Variants in RABL3 observed in about 807,000 individuals in gnomAD.
The protein encoded by RABL3 is RAB, member of RAS oncogene family like 3.
In RABL3, 31 loss-of-function variants were observed where a neutral mutation model predicts 31.8. The ratio of observed to expected loss-of-function variants is 0.97; its 90% confidence interval spans 0.73 to 1.31. The LOEUF is 1.31. Among genes scored for constraint, RABL3 ranks in the 40% most tolerant of loss-of-function variants. RABL3 has a pLI of 0.00. For missense variants in RABL3, 263 were observed against 279.6 expected, an observed-to-expected ratio of 0.94 and a Z score of 0.42; for synonymous variants, 97 against 99.9, an observed-to-expected ratio of 0.97 and a Z score of 0.18.
At chr3:120,698,969 C>T (rs111791227) in intron 4 of RABL3, among the ~76,000 whole-genome samples, 9,304 of 152,198 alleles carry the variant, frequency 0.061, 914 homozygotes, top group African/African-American at 0.21. Flanking sequence ...TAAGCCTCAT[C>T]GTAGCAAAAA....
intron 6 of RABL3, among the ~76,000 whole-genome samples, chr3:120,692,518 A>G (rs1293547995): frequency 3.9e-5 from 6 of 152,198 alleles, no homozygotes; most frequent in Admixed American, 6.5e-5. Context: ...TCTTTATGCT[A>G]AATTCTGGAA....
At chr3:120,718,639 A>G (rs1200458852) in intron 2 of RABL3, among the ~76,000 whole-genome samples, 1 of 152,242 alleles carries the variant, frequency 6.6e-6, no homozygotes, top group East Asian at 1.9e-4. Context: ...TCTGGGGGCA[A>G]GGCCCAAGAA....
intron 4 of RABL3, among the ~76,000 whole-genome samples, chr3:120,701,432 T>G (rs1708490127): frequency 1.3e-5 from 2 of 152,194 alleles, no homozygotes; most frequent in Admixed American, 1.3e-4. Context: ...AACTGTAGTG[T>G]CAAAATGCAA....
At position 120,690,490 on chromosome 3, in the gene RABL3, G is replaced by A. The variant is rs774990375; in HGVS notation, c.607-3C>T. The A allele has an allele frequency of 3.7e-6, 6 of 1,602,468 alleles. No homozygotes were observed. The highest frequency in any genetic ancestry group is 5.1e-6 in the Non-Finnish European group (6 of 1,170,184). On this transcript the variant is annotated splice_polypyrimidine_tract_variant and splice_region_variant and intron_variant, in intron 6 of 7. Coordinates refer to ENST00000273375, the MANE Select transcript of RABL3 (RefSeq NM_173825.5). ...AAAAAGTATCTCTTCTCTATGACCT[G>A]TGAAAAACAAAGATTTTAAAGGCTT...
Position 120,742,329 on chromosome 3 carries a change from G to A in RABL3, c.46+133C>T, listed in dbSNP as rs1169700494. ...CACGGAGCAAAGTCCCCTGGGAAGTGTAGTCTTCAGGCCCTGGGAGGGACT... is the reference window on the plus strand; with the variant it reads ...CACGGAGCAAAGTCCCCTGGGAAGTATAGTCTTCAGGCCCTGGGAGGGACT... On this transcript the variant is annotated intron_variant, in intron 1 of 7. Transcript: ENST00000273375. 4.9e-6 allele frequency: 4 copies of A among 817,846 alleles called. No individual in the cohort carries two copies. The East Asian group carries it at 1.0e-4, about 21-fold the overall frequency. The allele number at this position is 817,846 out of a possible 1,614,324, so 50.7% of individuals were successfully genotyped here. A position where few individuals can be genotyped will look rare whatever the true frequency, so the allele number is the denominator to read the frequency against.
chr3:120,726,756 T>A (rs1230809288), intron 2 of RABL3, among the ~76,000 whole-genome samples: 3 of 150,118 alleles, frequency 2.0e-5, no homozygotes, highest in East Asian at 1.9e-4. Flanking sequence ...AAAAATAAAT[T>A]AAATAAATAA....
At chr3:120,699,966 A>G (rs1708476892) in intron 4 of RABL3, among the ~76,000 whole-genome samples, 1 of 152,194 alleles carries the variant, frequency 6.6e-6, no homozygotes. Flanking sequence ...TCTCACATAC[A>G]AAGTTTTGCA....
At chr3:120,699,098 G>A (rs1285904266) in intron 4 of RABL3, among the ~76,000 whole-genome samples, 2 of 151,948 alleles carry the variant, frequency 1.3e-5, no homozygotes, top group African/African-American at 2.4e-5. Flanking sequence ...TGTCTGAATA[G>A]TAAAGAAATA....
At position 120,717,268 on chromosome 3, in the gene RABL3, CA is replaced by C. The variant is rs1179742913; in HGVS notation, c.139-7360del. Among the ~76,000 whole-genome samples the C allele has an allele frequency of 3.6e-3, 373 of 103,326 alleles. 1 individual carries two copies. Among genetic ancestry groups the C allele is most frequent in the Admixed American group, 5.1e-3 (53 of 10,384 alleles). 67.8% of individuals were successfully genotyped at this position (103,326 alleles called of 152,430 possible). The stretch of plus-strand genomic sequence containing the variant: ...GAACAAAACTCCATCTCAAAAAAAA[CA>C]AAAAAAAAAACAACAAAAAAAAAAA... On this transcript the variant is annotated intron_variant, in intron 2 of 7. Transcript: ENST00000273375.
At chr3:120,714,599 AAAC>A (rs1708647373) in intron 2 of RABL3, among the ~76,000 whole-genome samples, 1 of 152,170 alleles carries the variant, frequency 6.6e-6, no homozygotes, top group African/African-American at 2.4e-5. Context: ...AAATTGAGTT[AAAC>A]CTCTGTCTCT....
chr3:120,713,610 C>A (rs555380291), intron 2 of RABL3, among the ~76,000 whole-genome samples: 1 of 152,086 alleles, frequency 6.6e-6, no homozygotes, highest in East Asian at 1.9e-4. Context: ...TACAGCTATA[C>A]AATAAAGGAT....
rs1310526487 is a variant in RABL3 at position 120,687,543 on chromosome 3, CTTCA to C, written c.*2276_*2279del. ...TCAAGAAGTCCTAGCAAAAATTGTGCTTCATTCTTTTTTGAATAACTCTAGCTAA... is the reference window on the plus strand; with the variant it reads ...TCAAGAAGTCCTAGCAAAAATTGTGCTTCTTTTTTGAATAACTCTAGCTAA... On this transcript the variant is annotated 3_prime_UTR_variant, in exon 8 of 8. Coordinates refer to ENST00000273375, the MANE Select transcript of RABL3 (RefSeq NM_173825.5). The C allele has an allele frequency of 1.3e-5, 2 of 152,178 alleles. No individual in the cohort carries two copies. The highest frequency in any genetic ancestry group is 2.4e-5 in the African/African-American group (1 of 41,450). 9.4% of individuals were successfully genotyped at this position (152,178 alleles called of 1,614,324 possible). A position where few individuals can be genotyped will look rare whatever the true frequency, so the allele number is the denominator to read the frequency against.
chr3:120,722,156 T>A (rs1708751020), intron 2 of RABL3: 1 of 152,156 alleles, frequency 6.6e-6, no homozygotes, highest in Non-Finnish European at 1.5e-5. Flanking sequence ...CTCATTCATC[T>A]CCTTAACAGC....
rs975753896 is a variant in RABL3 at position 120,687,624 on chromosome 3, CA to C, written c.*2198del. On this transcript the variant is annotated 3_prime_UTR_variant, in exon 8 of 8. Coordinates refer to ENST00000273375, the MANE Select transcript of RABL3 (RefSeq NM_173825.5). ...ATTATGCTGCTGCTAATAATTGCAA[CA>C]AATTTACCTTAGATTATTAAAAACT... 1.4e-4 allele frequency: 22 copies of C among 152,078 alleles called. No homozygotes were observed. The highest frequency in any genetic ancestry group is 5.1e-4 in the African/African-American group (21 of 41,400). The allele number at this position is 152,078 out of a possible 1,614,324, so 9.4% of individuals were successfully genotyped here.
In RABL3 at chr3:120,717,445, C is replaced by T. The variant is rs1166397269; in HGVS notation, c.139-7536G>A. 5.9e-5 allele frequency among the ~76,000 whole-genome samples: 9 copies of T among 152,146 alleles called. No homozygotes were observed. In the South Asian group the frequency reaches 1.0e-3, roughly 18 times the overall value. On this transcript the variant is annotated intron_variant, in intron 2 of 7. Coordinates refer to ENST00000273375, the MANE Select transcript of RABL3 (RefSeq NM_173825.5). ...ACACTCATTCCAGTAAACCCAGTAA[C>T]GTAATTATATGACATTTGTCTTTTT...
chr3:120,698,273 T>C, intron 5 of RABL3, 150 bp downstream of exon 5: 1 of 728,110 alleles, frequency 1.4e-6, no homozygotes, highest in Non-Finnish European at 2.3e-6. Flanking sequence ...CTAGATATGT[T>C]GATTCCAATC....
intron 2 of RABL3, among the ~76,000 whole-genome samples, chr3:120,711,855 C>G (rs1381147378): frequency 6.6e-6 from 1 of 152,122 alleles, no homozygotes; most frequent in Non-Finnish European, 1.5e-5. Context: ...GTAATCCCCT[C>G]GTTAAGAACT....
chr3:120,719,765 C>T (rs1251507757), intron 2 of RABL3, among the ~76,000 whole-genome samples: 1 of 152,220 alleles, frequency 6.6e-6, no homozygotes, highest in Non-Finnish European at 1.5e-5. Flanking sequence ...TAGACTCCAC[C>T]TCTGGGGGCA....
chr3:120,719,487 G>C (rs1443580379), intron 2 of RABL3, among the ~76,000 whole-genome samples: 1 of 152,148 alleles, frequency 6.6e-6, no homozygotes, highest in Non-Finnish European at 1.5e-5. Flanking sequence ...TGGAAAATTG[G>C]GTCACTCTCA....
Sources: allele counts gnomAD v4.1 joint callset (sites outside exome capture counted in the v4.1 genomes callset), GRCh38; gene constraint gnomAD v4.1.1; transcripts MANE v1.5; gene names NCBI Gene and HGNC (gene_info 2026-07-23, HGNC 2026-07-21).